The following SDK1 variants were observed in gnomAD, a reference collection of about 807,000 sequenced individuals.
SDK1 encodes protein sidekick-1.
Under a neutral mutation model 245.5 loss-of-function variants are expected in SDK1, and 157 were observed. That is an observed-to-expected ratio of 0.64 (90% confidence interval 0.56 to 0.73). SDK1 has a LOEUF of 0.73. SDK1 is among the 30% of genes least tolerant of loss of function. The probability of loss-of-function intolerance (pLI) is 0.00; values close to 1 mark genes in which losing one functional copy is unlikely to be tolerated. For missense variants in SDK1, 3,583 were observed against 3,002.3 expected (o/e 1.19, Z -4.52); for synonymous variants, 1,647 against 1,278.5 (o/e 1.29, Z -6.15).
intron 1 of SDK1, among the ~76,000 whole-genome samples, chr7:3,573,843 C>G (rs1346135532): frequency 6.6e-6 from 1 of 151,980 alleles, no homozygotes; most frequent in Non-Finnish European, 1.5e-5. Context: ...TTTCCATTTT[C>G]TCCTTCCAGT....
At chr7:3,726,083 C>G (rs989187231) in intron 4 of SDK1, among the ~76,000 whole-genome samples, 6 of 152,226 alleles carry the variant, frequency 3.9e-5, no homozygotes, top group African/African-American at 1.4e-4. Flanking sequence ...GTTCTTTCCT[C>G]ACAGCCTCCC....
chr7:3,496,236 T>A (rs1424007086), intron 1 of SDK1, among the ~76,000 whole-genome samples: 2 of 152,136 alleles, frequency 1.3e-5, no homozygotes, highest in Non-Finnish European at 2.9e-5. Flanking sequence ...GTCAGATAAG[T>A]TAGCATATCT....
intron 1 of SDK1, among the ~76,000 whole-genome samples, chr7:3,493,212 AAGTACTGAGATTAC>A (rs1320533471): frequency 6.6e-6 from 1 of 152,122 alleles, no homozygotes; most frequent in Non-Finnish European, 1.5e-5. Context: ...CGGCCTCCCA[AAGTACTGAGATTAC>A]AGGCGTCAAC....
At chr7:3,809,146 C>A (rs552074432) in intron 4 of SDK1, among the ~76,000 whole-genome samples, 4 of 152,070 alleles carry the variant, frequency 2.6e-5, no homozygotes, top group Non-Finnish European at 5.9e-5. Flanking sequence ...AGCTTCTAAT[C>A]ATGGCAGAAG....
intron 44 of SDK1, among the ~76,000 whole-genome samples, chr7:4,256,865 C>T (rs1787664067): frequency 6.6e-6 from 1 of 152,178 alleles, no homozygotes; most frequent in South Asian, 2.1e-4. Context: ...CCTTTTATCC[C>T]CCAGGACATT....
At position 4,091,334 on chromosome 7, in the gene SDK1, C is replaced by CTTTTTTTTTTTTTT. The variant is rs61065472; in HGVS notation, c.3324+11759_3324+11772dup. On this transcript the variant is annotated intron_variant, in intron 22 of 44. Transcript: ENST00000404826. ...CACATTTGCCATTTTCTTTTCTTTT[C>CTTTTTTTTTTTTTT]TTTTTTTTTTTTTTTTTTTTTTGTT... Among the ~76,000 whole-genome samples, 18 of 108,258 alleles carry CTTTTTTTTTTTTTT rather than the reference C, an allele frequency of 1.7e-4. 1 individual carries two copies. The highest frequency in any genetic ancestry group is 3.1e-4 in the South Asian group (1 of 3,262). The allele number at this position is 108,258 out of a possible 152,430, so 71.0% of individuals were successfully genotyped here. A position where few individuals can be genotyped will look rare whatever the true frequency, so the allele number is the denominator to read the frequency against.
At chr7:3,536,221 T>G (rs1778882963) in intron 1 of SDK1, among the ~76,000 whole-genome samples, 1 of 138,608 alleles carries the variant, frequency 7.2e-6, no homozygotes, top group Non-Finnish European at 1.6e-5. Flanking sequence ...CACACCCAGC[T>G]AATTTTTTTT....
chr7:3,603,412 G>A (rs985729437), intron 1 of SDK1, among the ~76,000 whole-genome samples: 4 of 151,382 alleles, frequency 2.6e-5, no homozygotes, highest in African/African-American at 9.7e-5. Flanking sequence ...CTTGTAAGGT[G>A]GATTCCTAGG....
At chr7:3,912,478 C>T (rs1261531605) in intron 5 of SDK1, among the ~76,000 whole-genome samples, 4 of 152,158 alleles carry the variant, frequency 2.6e-5, no homozygotes, top group East Asian at 1.9e-4. Flanking sequence ...TTCTGTGAGG[C>T]GCTGAAGCAA....
rs145037179 is a variant in SDK1, at chr7:4,003,892, G to A, written c.2132-7074G>A. On this transcript the variant is annotated intron_variant, in intron 14 of 44. Coordinates refer to ENST00000404826, the MANE Select transcript of SDK1 (RefSeq NM_152744.4). ...AGCTCCATGTTGGGGGCCCTCGCGGGCATTGCTCCAAGACAAGCTCATCTT... is the reference window on the plus strand; with the variant it reads ...AGCTCCATGTTGGGGGCCCTCGCGGACATTGCTCCAAGACAAGCTCATCTT... 4.4e-4 allele frequency among the ~76,000 whole-genome samples: 67 copies of A among 152,346 alleles called. 1 individual carries two copies. Among genetic ancestry groups the A allele is most frequent in the African/African-American group, 1.4e-3 (59 of 41,566 alleles).
At position 4,237,674 on chromosome 7, in the gene SDK1, A is replaced by C; in HGVS notation, c.6020A>C (p.Glu2007Ala). 6.2e-7 allele frequency: 1 copy of C among 1,614,006 alleles called. No homozygotes were observed. Among genetic ancestry groups the C allele is most frequent in the Non-Finnish European group, 8.5e-7 (1 of 1,179,998 alleles). Residue 2007 changes from glutamate to alanine, a missense_variant, in exon 42 of 45, where the codon GAG becomes GCG. By Grantham distance (107) the Glu-to-Ala change is moderately radical. Transcript: ENST00000404826. ...CAAGTGGAAGCCCCATTCTACGAGG[A>C]GTGGTGGTTCCTCCTGGTGATGGCT... ...SAQVEAPFYE[E>A]WWFLLVMALS...
intron 16 of SDK1, among the ~76,000 whole-genome samples, chr7:4,012,493 A>G (rs1786059637): frequency 2.2e-5 from 3 of 137,142 alleles, no homozygotes; most frequent in Admixed American, 1.6e-4. Context: ...GCATTTTGGC[A>G]GGAGAATGGA....
Position 4,205,883 on chromosome 7 carries a change from G to A in SDK1, c.5103G>A (p.Pro1701=), listed in dbSNP as rs377290475. The A allele has an allele frequency of 2.0e-5, 31 of 1,552,968 alleles. No homozygotes were observed. Among genetic ancestry groups the A allele is most frequent in the East Asian group, 9.7e-5 (4 of 41,044 alleles). Residue 1701 remains proline (P), a synonymous_variant, in exon 36 of 45, where the codon CCG becomes CCA. Coordinates refer to ENST00000404826, the MANE Select transcript of SDK1 (RefSeq NM_152744.4). ...PVEVFVGEAA[P]AMAPQNVQVT... is the part of the protein sequence containing the mutation. ...TCCGCATTGCTCTTTCCTCAGCCCC[G>A]GCCATGGCCCCGCAGAACGTGCAGG... is the stretch of plus-strand genomic sequence containing the variant.
At chr7:3,389,597 C>G (rs1259774632) in intron 1 of SDK1, among the ~76,000 whole-genome samples, 1 of 152,076 alleles carries the variant, frequency 6.6e-6, no homozygotes, top group Non-Finnish European at 1.5e-5. Context: ...TTTGTTACAG[C>G]AGCAACAGAA....
chr7:4,058,776 AAT>A (rs1779358028), intron 19 of SDK1, among the ~76,000 whole-genome samples: 1 of 152,214 alleles, frequency 6.6e-6, no homozygotes, highest in Non-Finnish European at 1.5e-5. Context: ...ATGAAAGAGA[AAT>A]AAAGTATTTC....
intron 4 of SDK1, among the ~76,000 whole-genome samples, chr7:3,816,840 G>T (rs1779518899): frequency 6.6e-6 from 1 of 152,042 alleles, no homozygotes. Context: ...TAATTAAAAT[G>T]GAGAATATTT....
chr7:4,121,443 G>T (rs1026835432), intron 25 of SDK1, among the ~76,000 whole-genome samples: 1 of 152,052 alleles, frequency 6.6e-6, no homozygotes, highest in African/African-American at 2.4e-5. Context: ...TTTTATAAGG[G>T]GCTCTTCCTC....
chr7:3,333,980 C>A (rs796073359), intron 1 of SDK1, among the ~76,000 whole-genome samples: 1 of 152,312 alleles, frequency 6.6e-6, no homozygotes, highest in Non-Finnish European at 1.5e-5. Flanking sequence ...ACCACCTTGG[C>A]CGCTGTCCAC....
At chr7:4,109,510 C>G (rs1219717047) in intron 22 of SDK1, among the ~76,000 whole-genome samples, 1 of 152,232 alleles carries the variant, frequency 6.6e-6, no homozygotes, top group Non-Finnish European at 1.5e-5. Context: ...CCAGGCCAAT[C>G]CCACTCCAGC....
Sources: gnomAD v4.1 joint callset for allele counts (sites outside exome capture counted in the v4.1 genomes callset) on GRCh38, gnomAD v4.1.1 for gene constraint, MANE v1.5 for transcripts, NCBI Gene and HGNC (gene_info 2026-07-23, HGNC 2026-07-21) for gene names.